The following TSHZ2 variants were observed in gnomAD, a reference collection of about 807,000 sequenced individuals.
TSHZ2 encodes teashirt homolog 2.
Under a neutral mutation model 74.4 loss-of-function variants are expected in TSHZ2, and 21 were observed. That is an observed-to-expected ratio of 0.28 (90% CI 0.20 to 0.41). TSHZ2 has a LOEUF of 0.41. Among genes scored for constraint, TSHZ2 ranks in the 10% least tolerant of loss-of-function variants. TSHZ2 has a pLI of 1.00. For synonymous variants in TSHZ2, 540 were observed against 515.3 expected (o/e 1.05, Z -0.65); for missense variants, 1,244 against 1,293.5 (o/e 0.96, Z 0.59).
intron 2 of TSHZ2, among the ~76,000 whole-genome samples, chr20:53,380,662 A>T (rs1336371624): frequency 6.6e-6 from 1 of 152,230 alleles, no homozygotes; most frequent in African/African-American, 2.4e-5. Flanking sequence ...TTTCAAGTTC[A>T]GATTATCCCA....
intron 2 of TSHZ2, among the ~76,000 whole-genome samples, chr20:53,318,995 C>A (rs932899224): frequency 2.0e-5 from 3 of 152,110 alleles, no homozygotes; most frequent in African/African-American, 7.2e-5. Context: ...TTTATAAAAC[C>A]TTCAGATCTC....
At chr20:53,435,327 C>T (rs185844808) in intron 2 of TSHZ2, among the ~76,000 whole-genome samples, 1 of 152,292 alleles carries the variant, frequency 6.6e-6, no homozygotes, top group Non-Finnish European at 1.5e-5. Flanking sequence ...AAAGACTTCA[C>T]TGAGACCAGG....
At chr20:53,119,755 G>A (rs1176614017) in intron 1 of TSHZ2, among the ~76,000 whole-genome samples, 2 of 152,160 alleles carry the variant, frequency 1.3e-5, no homozygotes, top group Non-Finnish European at 2.9e-5. Context: ...GCTAGAAAAT[G>A]TTAAATCACA....
intron 1 of TSHZ2, among the ~76,000 whole-genome samples, chr20:53,061,090 C>T (rs962648267): frequency 2.6e-5 from 4 of 152,298 alleles, no homozygotes; most frequent in Non-Finnish European, 5.9e-5. Flanking sequence ...ACAAAATTGA[C>T]ACTGTTGAAC....
chr20:53,153,695 A>G (rs575957723), intron 1 of TSHZ2, among the ~76,000 whole-genome samples: 14 of 152,138 alleles, frequency 9.2e-5, no homozygotes, highest in African/African-American at 3.4e-4. Flanking sequence ...CAAGATGCAA[A>G]TTTCATGAAA....
intron 2 of TSHZ2, among the ~76,000 whole-genome samples, chr20:53,390,049 G>C (rs1046982892): frequency 6.6e-6 from 1 of 152,222 alleles, no homozygotes; most frequent in African/African-American, 2.4e-5. Context: ...TTTTGAGCCA[G>C]GGAATAGGGT....
At position 53,106,566 on chromosome 20, in the gene TSHZ2, A is replaced by G. The variant is rs373652475; in HGVS notation, c.40+133233A>G. ...ACTACAGGCGCCCGCCACCATGCCC[A>G]GCTAATTTTTTGTATTTTTAGTAGA... is the stretch of plus-strand genomic sequence containing the variant. On this transcript the variant is annotated intron_variant, in intron 1 of 2. Coordinates refer to ENST00000371497, the MANE Select transcript of TSHZ2 (RefSeq NM_173485.6). 8.7e-3 allele frequency among the ~76,000 whole-genome samples: 1,303 copies of G among 150,446 alleles called. 10 individuals are homozygous for G. Among genetic ancestry groups the G allele is most frequent in the African/African-American group, 0.03 (1,231 of 40,888 alleles).
chr20:53,480,562 A>C (rs1303154495), intron 2 of TSHZ2, among the ~76,000 whole-genome samples: 1 of 150,312 alleles, frequency 6.7e-6, no homozygotes, highest in Admixed American at 6.6e-5. Context: ...GCAAGACCCT[A>C]CCTTCTAAAA....
intron 1 of TSHZ2, among the ~76,000 whole-genome samples, chr20:53,057,617 T>G (rs904277564): frequency 1.3e-5 from 2 of 152,182 alleles, no homozygotes; most frequent in African/African-American, 4.8e-5. Context: ...TCCCCAAGGA[T>G]TTGAAGTCCC....
At chr20:52,978,477 C>T (rs954130067) in intron 1 of TSHZ2, among the ~76,000 whole-genome samples, 8 of 152,098 alleles carry the variant, frequency 5.3e-5, no homozygotes, top group Admixed American at 4.6e-4. Context: ...GCCACTATTT[C>T]GAAGGCAATG....
rs573584926 is a variant in TSHZ2 at position 53,128,941 on chromosome 20, C to T, written c.41-124558C>T. ...GGCTGGGCAGGAGCACTTCCATATG[C>T]GCCAGGAGAAAGTCCAAATTCATAA... On this transcript the variant is annotated intron_variant, in intron 1 of 2. Transcript: ENST00000371497. Among the ~76,000 whole-genome samples the T allele has an allele frequency of 1.7e-4, 26 of 152,170 alleles. No individual in the cohort carries two copies. The East Asian group carries it at 1.7e-3, about 10-fold the overall frequency.
intron 1 of TSHZ2, among the ~76,000 whole-genome samples, chr20:53,248,625 C>T (rs1313785004): frequency 6.6e-6 from 1 of 152,072 alleles, no homozygotes; most frequent in Admixed American, 6.5e-5. Flanking sequence ...AAAATTAGTC[C>T]ATACTTTCAA....
chr20:53,204,112 TATCATCATATGATGATATGATATAC>T (rs1568810834), intron 1 of TSHZ2, among the ~76,000 whole-genome samples: 12 of 130,312 alleles, frequency 9.2e-5, no homozygotes, highest in African/African-American at 1.9e-4. Flanking sequence ...TGATATACTA[TATCATCATATGATGATATGATATAC>T]TATATCATCA....
intron 1 of TSHZ2, among the ~76,000 whole-genome samples, chr20:52,977,204 G>A (rs1299215338): frequency 1.3e-5 from 2 of 152,094 alleles, no homozygotes; most frequent in African/African-American, 4.8e-5. Flanking sequence ...GATGGAGGGA[G>A]GGGGCAGGCA....
chr20:53,073,434 CTCCA>C (rs781310046), intron 1 of TSHZ2, among the ~76,000 whole-genome samples: 12 of 151,192 alleles, frequency 7.9e-5, no homozygotes, highest in Non-Finnish European at 1.0e-4. Flanking sequence ...TCATCTATCC[CTCCA>C]TCCATCCATC....
intron 1 of TSHZ2, among the ~76,000 whole-genome samples, chr20:52,993,850 G>A (rs990404078): frequency 8.5e-5 from 13 of 152,316 alleles, no homozygotes; most frequent in African/African-American, 2.6e-4. Flanking sequence ...TTTTCTATGC[G>A]AGAAACACAT....
chr20:53,128,429 G>GTTGTTTCTTGGTTT (rs1987008365), intron 1 of TSHZ2, among the ~76,000 whole-genome samples: 3 of 152,078 alleles, frequency 2.0e-5, no homozygotes, highest in Admixed American at 1.3e-4. Context: ...GTTTGTTGTT[G>GTTGTTTCTTGGTTT]TTGTTTCTTG....
intron 1 of TSHZ2, among the ~76,000 whole-genome samples, chr20:53,190,609 G>A (rs80277529): frequency 0.02 from 3,055 of 152,210 alleles, 46 homozygotes; most frequent in Non-Finnish European, 0.032. Context: ...ATGAGGCTTC[G>A]CAGCTTGTTG....
In TSHZ2 at chr20:53,489,094, CATCA is replaced by C. The variant is rs775827000; in HGVS notation, c.*1968_*1971del. On this transcript the variant is annotated 3_prime_UTR_variant, in exon 3 of 3. Coordinates refer to ENST00000371497, the MANE Select transcript of TSHZ2 (RefSeq NM_173485.6). ...CTTCATTGAAGTGTCAGCACTCATC[CATCA>C]ATCAATCACCCACAAGGAAAAATAG... 1.1e-5 allele frequency: 5 copies of C among 456,250 alleles called. No homozygotes were observed. The highest frequency in any genetic ancestry group is 7.7e-5 in the South Asian group (5 of 64,570). 28.3% of individuals were successfully genotyped at this position (456,250 alleles called of 1,614,324 possible).
Sources: allele counts gnomAD v4.1 joint callset (sites outside exome capture counted in the v4.1 genomes callset), GRCh38; gene constraint gnomAD v4.1.1; transcripts MANE v1.5; gene names NCBI Gene and HGNC (gene_info 2026-07-23, HGNC 2026-07-21).